Variants in TENM2 observed in about 807,000 individuals in gnomAD.
TENM2 encodes the protein teneurin transmembrane protein 2.
TENM2 carries 52 observed loss-of-function variants against 245.2 expected under a neutral mutation model. That is an observed-to-expected ratio of 0.21 (90% CI 0.17 to 0.27). The LOEUF (loss-of-function observed/expected upper bound fraction) is 0.27. TENM2 is among the 10% of genes least tolerant of loss of function. The probability of loss-of-function intolerance (pLI) is 1.00; values close to 1 mark genes in which losing one functional copy is unlikely to be tolerated. For missense variants in TENM2, 3,046 were observed against 3,666.8 expected (o/e 0.83, Z 4.37); for synonymous variants, 1,363 against 1,438.9 (o/e 0.95, Z 1.19).
At chr5:167,299,680 A>G (rs1755190663) in intron 1 of TENM2, among the ~76,000 whole-genome samples, 1 of 152,158 alleles carries the variant, frequency 6.6e-6, no homozygotes, top group African/African-American at 2.4e-5. Context: ...GCCATCAATA[A>G]ACTAAGTGTG....
chr5:167,586,368 C>T (rs1013206739), intron 2 of TENM2, among the ~76,000 whole-genome samples: 35 of 152,148 alleles, frequency 2.3e-4, no homozygotes, highest in African/African-American at 8.2e-4. Context: ...CCCACAGATA[C>T]GGAGGGACTA....
chr5:167,388,712 C>G (rs1206322007), intron 2 of TENM2, among the ~76,000 whole-genome samples: 1 of 152,006 alleles, frequency 6.6e-6, no homozygotes, highest in Admixed American at 6.6e-5. Context: ...TCAGGTCATT[C>G]AGTTCGAATA....
rs55973990 is a variant in TENM2, at chr5:168,115,359, GGGAAGGAAGGAAGGAAGGAA to G, written c.1814-2902_1814-2883del. Among the ~76,000 whole-genome samples, 454 of 71,622 alleles carry G rather than the reference GGGAAGGAAGGAAGGAAGGAA, an allele frequency of 6.3e-3. 6 individuals carry two copies. The highest frequency in any genetic ancestry group is 0.026 in the African/African-American group (403 of 15,296). The allele number at this position is 71,622 out of a possible 152,430, so 47.0% of individuals were successfully genotyped here. On this transcript the variant is annotated intron_variant, in intron 9 of 28. Coordinates refer to ENST00000518659, the Ensembl canonical transcript of TENM2. ...GGAAGGAAGGAAAGGAGGGAAGGAA[GGGAAGGAAGGAAGGAAGGAA>G]GGAAGGAAGGAAGGAAGGAAGGAAG... is the stretch of plus-strand genomic sequence containing the variant.
chr5:167,902,880 A>G (rs1434420083), intron 3 of TENM2, among the ~76,000 whole-genome samples: 1 of 152,190 alleles, frequency 6.6e-6, no homozygotes, highest in East Asian at 1.9e-4. Context: ...ATTTTTACAT[A>G]TTATTCTGTA....
At chr5:167,799,290 C>T (rs918351916) in intron 2 of TENM2, among the ~76,000 whole-genome samples, 11 of 152,176 alleles carry the variant, frequency 7.2e-5, no homozygotes, top group Non-Finnish European at 1.2e-4. Context: ...AACTTCAAAT[C>T]GCATGGTGAA....
chr5:167,220,173 A>T, the TENM2 span, among the ~76,000 whole-genome samples: 1 of 152,160 alleles, frequency 6.6e-6, no homozygotes, highest in Non-Finnish European at 1.5e-5. Flanking sequence ...CAGTGCTGCA[A>T]AAGAGGCCTT....
chr5:167,133,874 T>G, the TENM2 span, among the ~76,000 whole-genome samples: 5 of 152,132 alleles, frequency 3.3e-5, no homozygotes, highest in African/African-American at 4.8e-5. Flanking sequence ...TAACTAATTT[T>G]CATAGGGCCA....
At chr5:167,916,019 A>T (rs2151607640) in intron 3 of TENM2, among the ~76,000 whole-genome samples, 1 of 152,310 alleles carries the variant, frequency 6.6e-6, no homozygotes, top group East Asian at 1.9e-4. Flanking sequence ...GGATTTTAAA[A>T]AGGGCCTAAT....
At chr5:167,514,477 C>A (rs1770178768) in intron 2 of TENM2, among the ~76,000 whole-genome samples, 1 of 152,168 alleles carries the variant, frequency 6.6e-6, no homozygotes, top group Non-Finnish European at 1.5e-5. Context: ...ACAAAAATGT[C>A]TTTCATGGTT....
chr5:167,406,389 A>G (rs1446047510), intron 2 of TENM2, among the ~76,000 whole-genome samples: 4 of 152,172 alleles, frequency 2.6e-5, no homozygotes, highest in Admixed American at 6.6e-5. Context: ...AAAGAGCTCA[A>G]TTATTTTTTG....
At chr5:167,864,042 A>G (rs1288426511) in intron 2 of TENM2, among the ~76,000 whole-genome samples, 1 of 152,156 alleles carries the variant, frequency 6.6e-6, no homozygotes, top group Non-Finnish European at 1.5e-5. Flanking sequence ...ACTGGTGGGT[A>G]GACTCCCAAG....
At chr5:167,008,302 T>C in the TENM2 span, among the ~76,000 whole-genome samples, 1 of 152,320 alleles carries the variant, frequency 6.6e-6, no homozygotes, top group African/African-American at 2.4e-5. Flanking sequence ...ACATTCAGAC[T>C]GCTGAATAAA....
intron 27 of TENM2, among the ~76,000 whole-genome samples, chr5:168,249,175 GA>G (rs1315043876): frequency 6.6e-6 from 1 of 151,614 alleles, no homozygotes; most frequent in African/African-American, 2.4e-5. Context: ...TCTAGTGGAT[GA>G]TCATGAAATG....
intron 2 of TENM2, among the ~76,000 whole-genome samples, chr5:167,376,833 C>T (rs1760779757): frequency 6.6e-6 from 1 of 152,100 alleles, no homozygotes; most frequent in African/African-American, 2.4e-5. Context: ...ACGTTGAATC[C>T]ATTTACTGGT....
intron 10 of TENM2, among the ~76,000 whole-genome samples, chr5:168,123,800 A>G (rs1380237056): frequency 6.6e-6 from 1 of 152,246 alleles, no homozygotes; most frequent in Non-Finnish European, 1.5e-5. Context: ...TTCAAACCGT[A>G]TATTACACAA....
chr5:167,351,928 G>C (rs1758948171), intron 1 of TENM2, among the ~76,000 whole-genome samples: 1 of 151,962 alleles, frequency 6.6e-6, no homozygotes, highest in African/African-American at 2.4e-5. Flanking sequence ...AACATTCTCT[G>C]ATTTGAGGTC....
intron 2 of TENM2, among the ~76,000 whole-genome samples, chr5:167,456,610 C>G (rs1765938513): frequency 6.6e-6 from 1 of 152,132 alleles, no homozygotes; most frequent in Non-Finnish European, 1.5e-5. Flanking sequence ...AAGAATTTAT[C>G]CACTAGGATA....
At chr5:167,283,745 C>T (rs915478941), upstream of TENM2, among the ~76,000 whole-genome samples, 25 of 152,248 alleles carry the variant, frequency 1.6e-4, 1 homozygote, top group East Asian at 4.3e-3. Context: ...GCCCTGTGGT[C>T]TATGCTATTT....
intron 12 of TENM2, among the ~76,000 whole-genome samples, chr5:168,134,237 A>T (rs1207645015): frequency 2.0e-5 from 3 of 152,102 alleles, no homozygotes; most frequent in African/African-American, 2.4e-5. Flanking sequence ...TCTAACCTTT[A>T]TGTGTCTCAG....
Sources: gnomAD v4.1 joint callset for allele counts (sites outside exome capture counted in the v4.1 genomes callset) on GRCh38, gnomAD v4.1.1 for gene constraint, MANE v1.5 for transcripts, NCBI Gene and HGNC (gene_info 2026-07-23, HGNC 2026-07-21) for gene names.